Variants in ELP1 observed in about 807,000 individuals in gnomAD.
ELP1 encodes elongator complex protein 1.
Under a neutral mutation model 183.2 loss-of-function variants are expected in ELP1, and 131 were observed. That is an observed-to-expected ratio of 0.72 (90% CI 0.62 to 0.83). ELP1 has a LOEUF of 0.83. ELP1 is among the 40% of genes least tolerant of loss of function. The probability of loss-of-function intolerance (pLI) is 0.00; values close to 1 mark genes in which losing one functional copy is unlikely to be tolerated. For missense variants in ELP1, 1,550 were observed against 1,594.9 expected (o/e 0.97, Z 0.48); for synonymous variants, 555 against 569.0 (o/e 0.98, Z 0.35).
chr9:108,908,279 G>A (rs147558955), intron 13 of ELP1, 26 bp downstream of exon 13: 900 of 1,549,856 alleles, frequency 5.8e-4, no homozygotes, highest in Non-Finnish European at 7.7e-4. Flanking sequence ...TCTGTTCCCA[G>A]AAGCCCAAGA....
Position 108,898,654 on chromosome 9 carries a change from A to T in ELP1, c.2283+17T>A, listed in dbSNP as rs758032890. ...AGTACAAAGTAAGCTAGAGTAAATG[A>T]CAGCTTAGAAAGTTACCTTAGGGTT... On this transcript the variant is annotated intron_variant, in intron 21 of 36. Transcript: ENST00000374647. The T allele has an allele frequency of 1.1e-5, 17 of 1,603,876 alleles. No homozygotes were observed. Among genetic ancestry groups the T allele is most frequent in the Non-Finnish European group, 1.5e-5 (17 of 1,171,098 alleles).
At chr9:108,919,175 C>T in intron 7 of ELP1, 78 bp downstream of exon 7, 2 of 1,023,898 alleles carry the variant, frequency 2.0e-6, no homozygotes, top group Middle Eastern at 2.6e-4. Context: ...CTACTCAAAG[C>T]AAAAGAAAGA....
intron 18 of ELP1, 123 bp downstream of exon 18, chr9:108,901,302 G>T: frequency 2.8e-6 from 2 of 725,014 alleles, no homozygotes; most frequent in Non-Finnish European, 5.0e-6. Context: ...TAACTCTAAA[G>T]ATTTTCTCCA....
intron 18 of ELP1, among the ~76,000 whole-genome samples, chr9:108,901,048 T>C (rs972752371): frequency 2.6e-5 from 4 of 151,306 alleles, no homozygotes; most frequent in Non-Finnish European, 5.9e-5. Flanking sequence ...AACCACTAGA[T>C]GGAGCGCAGA....
intron 13 of ELP1, among the ~76,000 whole-genome samples, chr9:108,906,933 A>G (rs1187619774): frequency 6.6e-6 from 1 of 152,176 alleles, no homozygotes; most frequent in Admixed American, 6.5e-5. Context: ...TCTCTAATGC[A>G]TTCTTTGGTA....
Position 108,919,279 on chromosome 9 carries a change from GCAAAAAACTGTC to G in ELP1, c.611_622del (p.Gly204_Phe207del). On this transcript the variant is annotated inframe_deletion, in exon 7 of 37. Coordinates refer to ENST00000374647, the MANE Select transcript of ELP1 (RefSeq NM_003640.5). ...TGTTTCTGGGCAAACAACACTCACA[GCAAAAAACTGTC>G]CATCCCCCCGCCAGGTAACTTGTGG... 1 of 1,613,302 alleles carries G rather than the reference GCAAAAAACTGTC, an allele frequency of 6.2e-7. No homozygotes were observed. Among genetic ancestry groups the G allele is most frequent in the Non-Finnish European group, 8.5e-7 (1 of 1,179,464 alleles).
intron 23 of ELP1, 43 bp downstream of exon 23, chr9:108,897,105 C>T (rs1828584125): frequency 3.7e-6 from 6 of 1,614,062 alleles, no homozygotes; most frequent in Non-Finnish European, 5.1e-6. Flanking sequence ...CAACTACACA[C>T]TTCGGTTTTT....
chr9:108,896,764 T>C lies in ELP1; in HGVS notation c.2588-120A>G, dbSNP rs2275627. 0.056 allele frequency: 61,423 copies of C among 1,087,558 alleles called. 2,588 individuals are homozygous for C. The highest frequency in any genetic ancestry group is 0.17 in the Admixed American group (9,881 of 56,836). The allele number at this position is 1,087,558 out of a possible 1,614,324, so 67.4% of individuals were successfully genotyped here. A position where few individuals can be genotyped will look rare whatever the true frequency, so the allele number is the denominator to read the frequency against. ...AATAGAACTGGACATCAGAAGAATA[T>C]ATACTTCTGATACTTTTATATATGC... On this transcript the variant is annotated intron_variant, in intron 24 of 36. Coordinates refer to ENST00000374647, the MANE Select transcript of ELP1 (RefSeq NM_003640.5).
rs1829093084 is a variant in ELP1 at position 108,908,339 on chromosome 9, A to C, written c.1426T>G (p.Cys476Gly). ...GAVGGSGFKV[C>G]LRTPHLEKRY... ...TTTTCCAAATGAGGAGTTCTAAGGC[A>C]AACTTTAAATCCACTTCCACCCACA... The change falls in exon 13 of 37, where the codon TGC becomes GGC. Residue 476 changes from cysteine to glycine, a missense_variant. By Grantham distance (159) the Cys-to-Gly change is radical. Coordinates refer to ENST00000374647, the MANE Select transcript of ELP1 (RefSeq NM_003640.5). 6.2e-7 allele frequency: 1 copy of C among 1,614,056 alleles called. No homozygotes were observed. Among genetic ancestry groups the C allele is most frequent in the Non-Finnish European group, 8.5e-7 (1 of 1,179,998 alleles).
chr9:108,907,901 AC>A (rs1829077329), intron 13 of ELP1, among the ~76,000 whole-genome samples: 1 of 152,234 alleles, frequency 6.6e-6, no homozygotes, highest in African/African-American at 2.4e-5. Context: ...AAAGCACAGC[AC>A]CCAGAAGTTC....
At chr9:108,908,910 C>T (rs1218770902) in intron 12 of ELP1, among the ~76,000 whole-genome samples, 4 of 152,188 alleles carry the variant, frequency 2.6e-5, no homozygotes, top group Non-Finnish European at 5.9e-5. Context: ...TCACCCACCA[C>T]CTTCCCCTCC....
chr9:108,925,203 T>C (rs139436503), intron 5 of ELP1, among the ~76,000 whole-genome samples: 2,729 of 152,260 alleles, frequency 0.018, 30 homozygotes, highest in Non-Finnish European at 0.025. Context: ...CATCTTTCTA[T>C]TAAATAAATC....
intron 29 of ELP1, among the ~76,000 whole-genome samples, chr9:108,887,840 C>G (rs1828186337): frequency 6.6e-6 from 1 of 152,184 alleles, no homozygotes; most frequent in South Asian, 2.1e-4. Flanking sequence ...GAAGCACTCT[C>G]ACATATCACT....
intron 27 of ELP1, among the ~76,000 whole-genome samples, chr9:108,891,797 A>G (rs1449086520): frequency 6.6e-6 from 1 of 152,198 alleles, no homozygotes; most frequent in Admixed American, 6.5e-5. Context: ...GACAGAGGAC[A>G]GTCTCCTTGC....
chr9:108,888,460 T>G, intron 29 of ELP1, among the ~76,000 whole-genome samples: 1 of 152,344 alleles, frequency 6.6e-6, no homozygotes, highest in Non-Finnish European at 1.5e-5. Context: ...CAAAATAATT[T>G]TATGCATTAA....
rs199567254 is a variant in ELP1, at chr9:108,917,520, G to C, written c.864+27C>G. ...TAGCTATGGAAAGTCCTCTACATTCGAGGGTGAAACAAACTCAGGCACTTA... is the reference window on the plus strand; with the variant it reads ...TAGCTATGGAAAGTCCTCTACATTCCAGGGTGAAACAAACTCAGGCACTTA... On this transcript the variant is annotated intron_variant, in intron 9 of 36. Coordinates refer to ENST00000374647, the MANE Select transcript of ELP1 (RefSeq NM_003640.5). 6.8e-6 allele frequency: 11 copies of C among 1,609,266 alleles called. No individual in the cohort carries two copies. In the African/African-American group the frequency reaches 8.1e-5, roughly 12 times the overall value.
At chr9:108,911,254 A>C in intron 11 of ELP1, 74 bp from the exon 12 acceptor site, 3 of 1,362,346 alleles carry the variant, frequency 2.2e-6, no homozygotes, top group Non-Finnish European at 3.1e-6. Flanking sequence ...TGAACATCAC[A>C]GTATATCTAA....
intron 5 of ELP1, 131 bp downstream of exon 5, chr9:108,926,392 T>C (rs1231812801): frequency 6.6e-6 from 5 of 756,052 alleles, no homozygotes; most frequent in Admixed American, 2.0e-5. Context: ...ACTGGGCTAA[T>C]AGACATTTAA....
chr9:108,930,909 T>A, intron 2 of ELP1, 88 bp downstream of exon 2: 1 of 1,273,954 alleles, frequency 7.8e-7, no homozygotes, highest in Admixed American at 1.7e-5. Flanking sequence ...CAATAAGATA[T>A]AAAGAAAGAC....
Sources: gnomAD v4.1 joint callset for allele counts (sites outside exome capture counted in the v4.1 genomes callset) on GRCh38, gnomAD v4.1.1 for gene constraint, MANE v1.5 for transcripts, NCBI Gene and HGNC (gene_info 2026-07-23, HGNC 2026-07-21) for gene names.